CAST: variants seen among roughly 807,000 people sequenced by gnomAD.
CAST encodes MIR583 host.
In CAST, 76 loss-of-function variants were observed where a neutral mutation model predicts 119.6. The ratio of observed to expected loss-of-function variants is 0.64; its 90% CI spans 0.53 to 0.77. The LOEUF (loss-of-function observed/expected upper bound fraction) is 0.77, where lower values mean the gene tolerates loss of function less well. Ranked by LOEUF, CAST falls within the 30% of genes least tolerant of loss-of-function variation. CAST has a pLI of 0.00. For synonymous variants in CAST, 319 were observed against 331.6 expected (o/e 0.96, Z 0.41); for missense variants, 953 against 946.5 (o/e 1.01, Z -0.09).
the CAST span, among the ~76,000 whole-genome samples, chr5:96,068,478 G>A: frequency 1.3e-5 from 2 of 151,910 alleles, no homozygotes; most frequent in African/African-American, 2.4e-5. Flanking sequence ...TTCCCTTCCA[G>A]CTCCATCCAT....
chr5:96,693,033 T>C (rs945803007), intron 2 of CAST, among the ~76,000 whole-genome samples: 1 of 152,230 alleles, frequency 6.6e-6, no homozygotes, highest in African/African-American at 2.4e-5. Context: ...CTGCTCTGTA[T>C]ATGGGTGCAT....
At chr5:96,672,258 T>C (rs1750167173) in intron 1 of CAST, among the ~76,000 whole-genome samples, 1 of 152,200 alleles carries the variant, frequency 6.6e-6, no homozygotes, top group Non-Finnish European at 1.5e-5. Flanking sequence ...TTTCTGTGTC[T>C]GTATGTATGC....
the CAST span, among the ~76,000 whole-genome samples, chr5:96,368,939 C>T: frequency 6.6e-6 from 1 of 152,064 alleles, no homozygotes; most frequent in Non-Finnish European, 1.5e-5. Context: ...CTTGGTATTG[C>T]TGTTGCATGA....
chr5:96,422,438 T>C, the CAST span, among the ~76,000 whole-genome samples: 2 of 152,164 alleles, frequency 1.3e-5, no homozygotes, highest in African/African-American at 4.8e-5. Context: ...GCACACTAAA[T>C]AAACATGTAA....
the CAST span, among the ~76,000 whole-genome samples, chr5:96,435,100 G>A: frequency 6.6e-6 from 1 of 152,204 alleles, no homozygotes. Context: ...TCTCACAGCA[G>A]ACAGACACTA....
chr5:96,618,566 G>T (rs1032554177), intron 1 of CAST, among the ~76,000 whole-genome samples: 1 of 152,272 alleles, frequency 6.6e-6, no homozygotes, highest in Non-Finnish European at 1.5e-5. Flanking sequence ...GCTAGCGCAA[G>T]TTCCAGGTGG....
intron 1 of CAST, among the ~76,000 whole-genome samples, chr5:96,549,971 G>A (rs566629602): frequency 3.9e-5 from 6 of 152,196 alleles, no homozygotes; most frequent in Non-Finnish European, 8.8e-5. Flanking sequence ...CCACCTCTGG[G>A]GGCAGGGCAT....
the CAST span, among the ~76,000 whole-genome samples, chr5:96,334,842 G>A: frequency 5.3e-5 from 8 of 152,126 alleles, no homozygotes; most frequent in Non-Finnish European, 8.8e-5. Flanking sequence ...TGGAGACTCT[G>A]CTACAGTATA....
chr5:96,218,159 G>A, the CAST span, among the ~76,000 whole-genome samples: 1 of 152,160 alleles, frequency 6.6e-6, no homozygotes, highest in East Asian at 1.9e-4. Flanking sequence ...TTTTTAGGAT[G>A]CTATGTGACT....
At chr5:96,673,081 A>G (rs1750306281) in intron 1 of CAST, among the ~76,000 whole-genome samples, 1 of 152,230 alleles carries the variant, frequency 6.6e-6, no homozygotes, top group Admixed American at 6.5e-5. Context: ...GTGAAATGGA[A>G]TAATTACACC....
intron 8 of CAST, 146 bp from the exon 9 acceptor site, chr5:96,730,634 C>A: frequency 1.5e-6 from 1 of 654,324 alleles, no homozygotes; most frequent in Non-Finnish European, 2.8e-6. Flanking sequence ...AGCACTGCAC[C>A]ATGTACAATA....
At chr5:96,759,832 GATAA>G (rs945656546) in intron 24 of CAST, among the ~76,000 whole-genome samples, 23 of 151,978 alleles carry the variant, frequency 1.5e-4, no homozygotes, top group African/African-American at 4.1e-4. Context: ...TTACAAAACT[GATAA>G]ATAGAGAAAA....
chr5:96,686,855 G>A (rs759193255), intron 2 of CAST, among the ~76,000 whole-genome samples: 7 of 152,178 alleles, frequency 4.6e-5, no homozygotes, highest in African/African-American at 1.4e-4. Flanking sequence ...TAGGTGTAGG[G>A]ACCACTGCAA....
chr5:96,393,110 TCTTCAG>T, the CAST span: 3 of 1,614,202 alleles, frequency 1.9e-6, no homozygotes, highest in Non-Finnish European at 2.5e-6. Context: ...ATACAGACTG[TCTTCAG>T]AGTCTTTAAG....
chr5:96,620,095 C>T (rs1747571907), intron 1 of CAST, among the ~76,000 whole-genome samples: 1 of 152,228 alleles, frequency 6.6e-6, no homozygotes, highest in African/African-American at 2.4e-5. Flanking sequence ...CAATCTATTA[C>T]TGCTGCTGTT....
chr5:96,569,056 A>G (rs983401716), intron 1 of CAST, among the ~76,000 whole-genome samples: 1 of 152,186 alleles, frequency 6.6e-6, no homozygotes. Context: ...CCACCTCCTC[A>G]GCTGTTGCTG....
rs1023089890 is a variant in CAST at position 96,700,543 on chromosome 5, T to G, written c.210+4636T>G. On this transcript the variant is annotated intron_variant, in intron 3 of 31. Transcript: ENST00000675179. Reference sequence around the variant, plus strand: ...CCAGGATGAGGCTGAGATTCTGCTTTTCTAACAAGCTTCCAGTGGATGTGC... The same window carrying G: ...CCAGGATGAGGCTGAGATTCTGCTTGTCTAACAAGCTTCCAGTGGATGTGC... Among the ~76,000 whole-genome samples, 3 of 152,204 alleles carry G rather than the reference T, an allele frequency of 2.0e-5. No individual in the cohort carries two copies. In the South Asian group the frequency reaches 6.2e-4, roughly 31 times the overall value.
the CAST span, among the ~76,000 whole-genome samples, chr5:96,106,183 T>C: frequency 3.5e-3 from 534 of 152,118 alleles, 2 homozygotes; most frequent in African/African-American, 4.6e-3. Context: ...TTCAAAAAAC[T>C]AGCTCCTGGA....
At chr5:96,463,524 C>T in the CAST span, among the ~76,000 whole-genome samples, 1 of 152,178 alleles carries the variant, frequency 6.6e-6, no homozygotes, top group South Asian at 2.1e-4. Flanking sequence ...CTGATCTTAT[C>T]CAGGACATAA....
Sources: allele counts gnomAD v4.1 joint callset (sites outside exome capture counted in the v4.1 genomes callset), GRCh38; gene constraint gnomAD v4.1.1; transcripts MANE v1.5; gene names NCBI Gene and HGNC (gene_info 2026-07-23, HGNC 2026-07-21).